The following LMAN2 variants were observed in gnomAD, a reference collection of about 807,000 sequenced individuals.
The protein encoded by LMAN2 is vesicular integral-membrane protein VIP36.
In LMAN2, 22 loss-of-function variants were observed where a neutral mutation model predicts 39.3. That is an observed-to-expected ratio of 0.56 (90% CI 0.40 to 0.80). The LOEUF is 0.80. Among genes scored for constraint, LMAN2 ranks in the 30% least tolerant of loss-of-function variants. The pLI, the probability that LMAN2 is intolerant of heterozygous loss-of-function variation, is 0.00. For missense variants in LMAN2, 494 were observed against 505.4 expected (o/e 0.98, Z 0.22); for synonymous variants, 207 against 207.8 (o/e 1.00, Z 0.03).
intron 2 of LMAN2, among the ~76,000 whole-genome samples, chr5:177,348,051 A>G (rs905540132): frequency 6.6e-6 from 1 of 152,200 alleles, no homozygotes; most frequent in African/African-American, 2.4e-5. Context: ...AAAAAGTAGA[A>G]GTGGTACTGA....
chr5:177,351,076 G>T, intron 2 of LMAN2, 97 bp downstream of exon 2: 1 of 1,046,000 alleles, frequency 9.6e-7, no homozygotes, highest in Non-Finnish European at 1.5e-6. Context: ...AGGGACGGAG[G>T]TGCAAACCTA....
intron 2 of LMAN2, among the ~76,000 whole-genome samples, chr5:177,350,581 T>C (rs916333354): frequency 6.6e-6 from 1 of 152,204 alleles, no homozygotes; most frequent in African/African-American, 2.4e-5. Context: ...GTTCCTCCAC[T>C]GTCCAGGTGA....
At chr5:177,340,120 G>T (rs915644745) in intron 2 of LMAN2, among the ~76,000 whole-genome samples, 1 of 152,026 alleles carries the variant, frequency 6.6e-6, no homozygotes, top group Non-Finnish European at 1.5e-5. Flanking sequence ...TCAAAGACAC[G>T]CCACAAACTT....
At chr5:177,351,040 G>T in intron 2 of LMAN2, 133 bp downstream of exon 2, 1 of 767,514 alleles carries the variant, frequency 1.3e-6, no homozygotes. Flanking sequence ...ATTATTGGTG[G>T]GTGTGACCGA....
chr5:177,345,777 ATTTATTTT>A (rs924149120), intron 2 of LMAN2, among the ~76,000 whole-genome samples: 19 of 149,526 alleles, frequency 1.3e-4, no homozygotes, highest in Admixed American at 1.1e-3. Flanking sequence ...TTATTTATTT[ATTTATTTT>A]TTGAGACAGT....
chr5:177,338,604 G>T lies in LMAN2; in HGVS notation c.317C>A (p.Pro106Gln). ...CATTTCCCAGTCTTTGAGGAAGCAC[G>T]GCTGGAGGGAGAGCAGAATGGGCTG... ...SKEGSIWNHQ[P>Q]CFLKDWEMHV... The change falls in exon 3 of 8, where the codon CCG becomes CAG. Residue 106 changes from proline to glutamine, a missense_variant and splice_region_variant. Transcript: ENST00000303127. 6.2e-7 allele frequency: 1 copy of T among 1,613,970 alleles called. No individual in the cohort carries two copies. Among genetic ancestry groups the T allele is most frequent in the Non-Finnish European group, 8.5e-7 (1 of 1,179,846 alleles).
At position 177,337,623 on chromosome 5, in the gene LMAN2, A is replaced by G. The variant is rs1384328967; in HGVS notation, c.513+83T>C. The G allele has an allele frequency of 1.2e-6, 2 of 1,604,436 alleles. No homozygotes were observed. The highest frequency in any genetic ancestry group is 1.7e-5 in the Admixed American group (1 of 58,884). On this transcript the variant is annotated intron_variant, in intron 4 of 7. Coordinates refer to ENST00000303127, the MANE Select transcript of LMAN2 (RefSeq NM_006816.3). This position sits in a 1 kb window ranked among gnomAD's most constrained non-coding sequence, Gnocchi z 8.2. ...CCCTGGAGGCTCCTCTTGTGCTGGG[A>G]CCATGGAAGTCCCAGGGCCCCCTCC...
At chr5:177,335,410 G>A (rs1761455589) in intron 6 of LMAN2, among the ~76,000 whole-genome samples, 1 of 152,216 alleles carries the variant, frequency 6.6e-6, no homozygotes, top group African/African-American at 2.4e-5. Flanking sequence ...TCACCCGTAA[G>A]GTGCCTGGCA....
In LMAN2 at chr5:177,351,593, T is replaced by C. The variant is rs932769307; in HGVS notation, c.55A>G (p.Arg19Gly). The stretch of plus-strand genomic sequence containing the variant: ...GGGCCGGGGCCGAGAAGCCCAGGCC[T>C]TCCCAGGCACCGCCGGCCCCAGCCC... ...RWGWGRRCLG[R>G]PGLLGPGPGP... Residue 19 changes from arginine (R) to glycine (G), a missense_variant, in exon 1 of 8, where the codon AGG (arginine) becomes GGG (glycine). Physicochemically the swap from Arg to Gly is moderately radical, Grantham distance 125 (BLOSUM62 -2). Transcript: ENST00000303127. The C allele has an allele frequency of 4.3e-6, 7 of 1,611,364 alleles. No homozygotes were observed. The African/African-American group carries it at 8.0e-5, about 18-fold the overall frequency.
At chr5:177,342,497 C>T (rs1387823653) in intron 2 of LMAN2, among the ~76,000 whole-genome samples, 1 of 152,094 alleles carries the variant, frequency 6.6e-6, no homozygotes, top group African/African-American at 2.4e-5. Flanking sequence ...CTAGCCCAGG[C>T]AACACGGTGA....
Position 177,337,342 on chromosome 5 carries a change from C to A in LMAN2, c.675+21G>T. On this transcript the variant is annotated intron_variant, in intron 5 of 7. Coordinates refer to ENST00000303127, the MANE Select transcript of LMAN2 (RefSeq NM_006816.3). The surrounding 1 kb of genome is among the most constrained non-coding windows in gnomAD (Gnocchi z 8.2). ...CAGCACAGGGCCACCAGCTGCCACC[C>A]CCACCGCCTAGCCTGCTCACCGTCA... 6.2e-7 allele frequency: 1 copy of A among 1,610,302 alleles called. No individual in the cohort carries two copies. The highest frequency in any genetic ancestry group is 8.5e-7 in the Non-Finnish European group (1 of 1,179,700).
intron 2 of LMAN2, among the ~76,000 whole-genome samples, chr5:177,341,715 A>G (rs1761556876): frequency 6.6e-6 from 1 of 152,248 alleles, no homozygotes; most frequent in African/African-American, 2.4e-5. Flanking sequence ...AACAACAAAT[A>G]CAGTGACTAT....
intron 2 of LMAN2, among the ~76,000 whole-genome samples, chr5:177,341,064 C>CTTTT (rs1298735934): frequency 9.2e-6 from 1 of 108,940 alleles, no homozygotes; most frequent in Admixed American, 9.7e-5. Context: ...CTTTTTTTTT[C>CTTTT]TTTTTTTTTT....
intron 3 of LMAN2, 22 bp downstream of exon 3, chr5:177,338,466 A>G: frequency 6.2e-7 from 1 of 1,602,964 alleles, no homozygotes; most frequent in South Asian, 1.1e-5. Context: ...CACAGGGCCC[A>G]GCTGAGCGAA....
chr5:177,334,325 G>A lies in LMAN2; in HGVS notation c.869C>T (p.Thr290Ile). The change falls in exon 7 of 8, where the codon ACC (threonine) becomes ATC (isoleucine). Residue 290 changes from threonine (T) to isoleucine (I), a missense_variant. Thr to Ile is a moderately conservative substitution (Grantham distance 89). Coordinates refer to ENST00000303127, the MANE Select transcript of LMAN2 (RefSeq NM_006816.3). ...HTPDEESIDW[T>I]KIEPSVNFLK... The stretch of plus-strand genomic sequence containing the variant: ...GAAGTTGACGCTGGGCTCGATCTTG[G>A]TCCAGTCGATGCTCTCCTCGTCGGG... The A allele has an allele frequency of 1.4e-5, 22 of 1,613,038 alleles. No homozygotes were observed. Among genetic ancestry groups the A allele is most frequent in the Non-Finnish European group, 1.8e-5 (21 of 1,179,904 alleles).
chr5:177,342,357 A>G (rs895786416), intron 2 of LMAN2, among the ~76,000 whole-genome samples: 2 of 152,112 alleles, frequency 1.3e-5, no homozygotes, highest in African/African-American at 2.4e-5. Context: ...AAAAATAATA[A>G]TAAGTATATA....
At chr5:177,351,396 T>C (rs1446496998) in intron 1 of LMAN2, 56 bp downstream of exon 1, 5 of 1,604,874 alleles carry the variant, frequency 3.1e-6, no homozygotes, top group Non-Finnish European at 4.3e-6. Context: ...CGCCTTCCCC[T>C]AGCCCTGTTC....
Position 177,332,037 on chromosome 5 carries a change from G to C in LMAN2, c.*49C>G, listed in dbSNP as rs762927423. 6.6e-7 allele frequency: 1 copy of C among 1,515,474 alleles called. No homozygotes were observed. Among genetic ancestry groups the C allele is most frequent in the East Asian group, 2.3e-5 (1 of 43,474 alleles). 93.9% of individuals were successfully genotyped at this position (1,515,474 alleles called of 1,614,324 possible). ...TTTTATAATCCCGGTAAAAAAAAAAGTTCACATTGGCTCCTGGGCCCAGGG... is the reference window on the plus strand; with the variant it reads ...TTTTATAATCCCGGTAAAAAAAAAACTTCACATTGGCTCCTGGGCCCAGGG... On this transcript the variant is annotated 3_prime_UTR_variant, in exon 8 of 8. Transcript: ENST00000303127. The surrounding 1 kb of genome is among the most constrained non-coding windows in gnomAD (Gnocchi z 6.3).
At chr5:177,345,236 T>C (rs530754200) in intron 2 of LMAN2, among the ~76,000 whole-genome samples, 2 of 146,526 alleles carry the variant, frequency 1.4e-5, no homozygotes, top group East Asian at 4.0e-4. Flanking sequence ...TCCCAGCTAC[T>C]CAGGAGGCTG....
Sources: gnomAD v4.1 joint callset for allele counts (sites outside exome capture counted in the v4.1 genomes callset) on GRCh38, gnomAD v4.1.1 for gene constraint, Gnocchi (gnomAD v3.1) non-coding constraint, MANE v1.5 for transcripts, NCBI Gene and HGNC (gene_info 2026-07-23, HGNC 2026-07-21) for gene names.